NELFA: variants seen among roughly 807,000 people sequenced by gnomAD.
NELFA encodes negative elongation factor complex member A.
NELFA carries 35 observed loss-of-function variants against 51.8 expected under a neutral mutation model. The observed-to-expected ratio is 0.68, with a 90% CI of 0.52 to 0.90. The LOEUF is 0.90. Among genes scored for constraint, NELFA ranks in the 40% least tolerant of loss-of-function variants. The probability of loss-of-function intolerance (pLI) is 0.00; values close to 1 mark genes in which losing one functional copy is unlikely to be tolerated. For synonymous variants in NELFA, 417 were observed against 338.4 expected, an observed-to-expected ratio of 1.23 and a Z score of -2.55; for missense variants, 658 against 746.4, an observed-to-expected ratio of 0.88 and a Z score of 1.38.
At position 1,989,706 on chromosome 4, in the gene NELFA, A is replaced by G; in HGVS notation, c.544+2T>C. 1 of 1,612,750 alleles carries G rather than the reference A, an allele frequency of 6.2e-7. No individual in the cohort carries two copies. Among genetic ancestry groups the G allele is most frequent in the Non-Finnish European group, 8.5e-7 (1 of 1,179,590 alleles). ...TGCCCGATGGCGGCCGCGGCCACTC[A>G]CACTTCTGCAGCAGCTCCGCCCGCA... is the stretch of plus-strand genomic sequence containing the variant. On this transcript the variant is annotated splice_donor_variant, in intron 3 of 10. Transcript: ENST00000382882. LOFTEE classifies it high-confidence loss of function. The surrounding 1 kb of genome is among the most constrained non-coding windows in gnomAD (Gnocchi z 4.8).
chr4:1,994,326 A>G (rs1443368906), intron 1 of NELFA, among the ~76,000 whole-genome samples: 3 of 152,104 alleles, frequency 2.0e-5, no homozygotes, highest in Non-Finnish European at 4.4e-5. Flanking sequence ...GCACTCTGGG[A>G]GGCTAGGGCG....
chr4:2,005,256 T>A (rs1728680349), intron 1 of NELFA, among the ~76,000 whole-genome samples: 1 of 151,996 alleles, frequency 6.6e-6, no homozygotes, highest in African/African-American at 2.4e-5. Context: ...GTTCTCCCTG[T>A]GTGATCGGAG....
chr4:1,988,547 G>A (rs1312248911), intron 3 of NELFA, among the ~76,000 whole-genome samples: 1 of 152,206 alleles, frequency 6.6e-6, no homozygotes, highest in African/African-American at 2.4e-5. Context: ...CAGTGGGCCC[G>A]GGGCTGCACG....
chr4:2,007,351 G>A (rs1002336865), intron 1 of NELFA, among the ~76,000 whole-genome samples: 1 of 152,162 alleles, frequency 6.6e-6, no homozygotes, highest in Admixed American at 6.5e-5. Flanking sequence ...ATGTAGTAAC[G>A]GGATGATTTA....
At chr4:1,990,637 C>T (rs1728244910) in intron 2 of NELFA, 1 of 398,134 alleles carries the variant, frequency 2.5e-6, no homozygotes, top group Admixed American at 2.6e-5. Flanking sequence ...GCCTCGATGT[C>T]TCCATCCCAC....
At chr4:2,007,149 G>T (rs1321117395) in intron 1 of NELFA, 1 of 434,254 alleles carries the variant, frequency 2.3e-6, no homozygotes. Flanking sequence ...CAAGGCTGCA[G>T]TGAGTCACGA....
intron 1 of NELFA, among the ~76,000 whole-genome samples, chr4:1,992,998 G>A (rs2109060872): frequency 6.6e-6 from 1 of 152,326 alleles, no homozygotes; most frequent in Non-Finnish European, 1.5e-5. Flanking sequence ...AGCTGAGTGC[G>A]CGATGCGGCA....
Position 2,003,431 on chromosome 4 carries a change from A to G in NELFA, c.210+5319T>C, listed in dbSNP as rs559861657. The stretch of plus-strand genomic sequence containing the variant: ...CTGCTATAAAGACACACGTACAGGT[A>G]TGTTTACTGCAGCACTGCTTAGAAT... On this transcript the variant is annotated intron_variant, in intron 1 of 10. Transcript: ENST00000382882. 3.3e-5 allele frequency among the ~76,000 whole-genome samples: 5 copies of G among 152,360 alleles called. No individual in the cohort carries two copies. In the South Asian group the frequency reaches 8.3e-4, roughly 25 times the overall value.
intron 2 of NELFA, 145 bp downstream of exon 2, chr4:1,991,399 G>C (rs1291137011): frequency 1.3e-6 from 1 of 788,576 alleles, no homozygotes; most frequent in East Asian, 2.7e-5. Context: ...TACGGGGGAG[G>C]ATGGTGCATA....
intron 8 of NELFA, among the ~76,000 whole-genome samples, chr4:1,984,405 A>T (rs901238742): frequency 8.5e-5 from 13 of 152,136 alleles, no homozygotes; most frequent in Admixed American, 7.9e-4. Flanking sequence ...GGAAGGCTGT[A>T]TCCTCAAGCC....
chr4:1,985,569 C>T lies in NELFA; in HGVS notation c.924+207G>A, dbSNP rs1032995401. Among the ~76,000 whole-genome samples the T allele has an allele frequency of 2.0e-5, 3 of 152,336 alleles. No individual in the cohort carries two copies. The East Asian group carries it at 5.8e-4, about 29-fold the overall frequency. On this transcript the variant is annotated intron_variant, in intron 7 of 10. Coordinates refer to ENST00000382882, the MANE Select transcript of NELFA (RefSeq NM_005663.5). Reference sequence around the variant, plus strand: ...CCCTCCAGCAAGCGTGGGGCAGGTTCCCGCTCCAAGCCTGAGTCAGATGCC... The same window carrying T: ...CCCTCCAGCAAGCGTGGGGCAGGTTTCCGCTCCAAGCCTGAGTCAGATGCC...
chr4:2,007,677 C>A (rs1412688489), intron 1 of NELFA, among the ~76,000 whole-genome samples: 10 of 152,144 alleles, frequency 6.6e-5, no homozygotes, highest in Non-Finnish European at 1.3e-4. Flanking sequence ...GCCGTGATTA[C>A]CAGTGGGAGG....
intron 1 of NELFA, among the ~76,000 whole-genome samples, chr4:1,998,110 A>AACC (rs1728481861): frequency 1.4e-5 from 1 of 73,446 alleles, no homozygotes; most frequent in Non-Finnish European, 2.8e-5. Context: ...CAACAACAAC[A>AACC]ACAACCACAA....
At chr4:1,997,901 G>T (rs1183412702) in intron 1 of NELFA, among the ~76,000 whole-genome samples, 1 of 152,090 alleles carries the variant, frequency 6.6e-6, no homozygotes, top group Non-Finnish European at 1.5e-5. Flanking sequence ...GGTGCCCCTC[G>T]AGATCAGAGG....
chr4:2,004,966 C>T (rs1463076943), intron 1 of NELFA, among the ~76,000 whole-genome samples: 2 of 151,282 alleles, frequency 1.3e-5, no homozygotes, highest in African/African-American at 2.4e-5. Flanking sequence ...CCACCATGCC[C>T]GGCTAATTTT....
chr4:1,987,083 C>T (rs757083126), intron 4 of NELFA, among the ~76,000 whole-genome samples: 3 of 152,152 alleles, frequency 2.0e-5, no homozygotes, highest in African/African-American at 4.8e-5. Context: ...GACCCAGGGA[C>T]GGCCCCCCAC....
chr4:1,995,962 C>G (rs1439595668), intron 1 of NELFA, among the ~76,000 whole-genome samples: 1 of 151,240 alleles, frequency 6.6e-6, no homozygotes, highest in African/African-American at 2.4e-5. Context: ...CCAGCCCGGG[C>G]AACATAGTAA....
At chr4:1,994,303 G>A (rs1414909997) in intron 1 of NELFA, among the ~76,000 whole-genome samples, 5 of 151,994 alleles carry the variant, frequency 3.3e-5, no homozygotes, top group South Asian at 2.1e-4. Flanking sequence ...GGTGGCTCAC[G>A]TCTGTAATCC....
intron 1 of NELFA, among the ~76,000 whole-genome samples, chr4:1,997,370 T>G (rs1728454439): frequency 6.6e-6 from 1 of 152,154 alleles, no homozygotes; most frequent in Non-Finnish European, 1.5e-5. Flanking sequence ...CAGGTCAATC[T>G]CACCCAAGAA....
Sources: allele counts gnomAD v4.1 joint callset (sites outside exome capture counted in the v4.1 genomes callset), GRCh38; gene constraint gnomAD v4.1.1; non-coding constraint Gnocchi (gnomAD v3.1); transcripts MANE v1.5; gene names NCBI Gene and HGNC (gene_info 2026-07-23, HGNC 2026-07-21).